Variants in BBOX1 observed in about 807,000 individuals in gnomAD.
BBOX1 encodes the protein gamma-butyrobetaine dioxygenase.
A neutral mutation model predicts 41.6 loss-of-function variants in BBOX1; 35 were observed. The observed-to-expected ratio is 0.84, with a 90% CI of 0.64 to 1.11. The LOEUF (loss-of-function observed/expected upper bound fraction) is 1.11. BBOX1 is among the 50% of genes most tolerant of loss of function. The pLI, the probability that BBOX1 is intolerant of heterozygous loss-of-function variation, is 0.00. For synonymous variants in BBOX1, 163 were observed against 154.7 expected, an observed-to-expected ratio of 1.05 and a Z score of -0.40; for missense variants, 458 against 460.6, an observed-to-expected ratio of 0.99 and a Z score of 0.05.
At chr11:27,111,659 C>A (rs1859068616) in intron 5 of BBOX1, among the ~76,000 whole-genome samples, 1 of 151,626 alleles carries the variant, frequency 6.6e-6, no homozygotes, top group African/African-American at 2.4e-5. Flanking sequence ...GCAAATACCA[C>A]CTTTATCTAG....
Position 27,057,305 on chromosome 11 carries a change from G to GT in BBOX1, c.330dup (p.Pro111SerfsTer18), listed in dbSNP as rs565903182. The GT allele has an allele frequency of 2.6e-4, 418 of 1,608,804 alleles. 1 individual carries two copies. Among genetic ancestry groups the GT allele is most frequent in the Non-Finnish European group, 3.4e-4 (403 of 1,177,904 alleles). ...CCAGAGCAAAGCTCCAAAGAGAATT[G>GT]TTTTTTCCAGGTAACTTTGCCAAAG... On this transcript the variant is annotated frameshift_variant, in exon 4 of 9. Transcript: ENST00000263182. LOFTEE classifies it high-confidence loss of function.
intron 5 of BBOX1, among the ~76,000 whole-genome samples, chr11:27,104,567 C>T (rs921055027): frequency 1.3e-5 from 2 of 152,070 alleles, no homozygotes; most frequent in Non-Finnish European, 2.9e-5. Flanking sequence ...TGGAGATTTT[C>T]GTATTAGTTT....
chr11:27,097,777 G>A (rs935662263), intron 5 of BBOX1, among the ~76,000 whole-genome samples: 1 of 151,950 alleles, frequency 6.6e-6, no homozygotes, highest in South Asian at 2.1e-4. Context: ...GGTCAAGATG[G>A]GGAAATACTC....
At chr11:27,066,956 GT>G (rs1361471006) in intron 4 of BBOX1, among the ~76,000 whole-genome samples, 1 of 152,050 alleles carries the variant, frequency 6.6e-6, no homozygotes, top group Non-Finnish European at 1.5e-5. Context: ...AATTAAGAGG[GT>G]TTTTGGCCCT....
intron 4 of BBOX1, among the ~76,000 whole-genome samples, chr11:27,075,574 C>A (rs2099887): frequency 0.59 from 90,258 of 151,894 alleles, 29,588 homozygotes; most frequent in East Asian, 0.94. Context: ...CCTTGCCAGG[C>A]CAGCAGGAAA....
At chr11:27,064,685 A>T (rs1003451216) in intron 4 of BBOX1, among the ~76,000 whole-genome samples, 1 of 152,136 alleles carries the variant, frequency 6.6e-6, no homozygotes, top group Admixed American at 6.5e-5. Context: ...TCCTCAAATC[A>T]ATCTATCCAA....
At chr11:27,062,691 A>G (rs1455222408) in intron 4 of BBOX1, among the ~76,000 whole-genome samples, 1 of 151,660 alleles carries the variant, frequency 6.6e-6, no homozygotes, top group African/African-American at 2.4e-5. Context: ...CCGAGTAGCT[A>G]CAGGTGCTAC....
chr11:27,087,804 A>C (rs887063715), intron 4 of BBOX1, among the ~76,000 whole-genome samples: 2 of 152,092 alleles, frequency 1.3e-5, no homozygotes, highest in Non-Finnish European at 2.9e-5. Context: ...CTCTGATTTC[A>C]GCAAAACTCC....
At chr11:27,097,825 C>T (rs899573247) in intron 5 of BBOX1, among the ~76,000 whole-genome samples, 1 of 151,964 alleles carries the variant, frequency 6.6e-6, no homozygotes, top group Non-Finnish European at 1.5e-5. Context: ...TGAATCCACT[C>T]CTCAAAATTT....
intron 8 of BBOX1, 37 bp downstream of exon 8, chr11:27,125,857 G>A: frequency 1.9e-6 from 3 of 1,583,044 alleles, no homozygotes; most frequent in Non-Finnish European, 2.6e-6. Context: ...CCAAAAGCAT[G>A]GATTTTCTTC....
At chr11:27,077,058 A>G (rs1385964638) in intron 4 of BBOX1, among the ~76,000 whole-genome samples, 6 of 152,100 alleles carry the variant, frequency 3.9e-5, no homozygotes, top group Non-Finnish European at 7.4e-5. Flanking sequence ...CACCTGTGGC[A>G]GCAGCACATT....
intron 3 of BBOX1, among the ~76,000 whole-genome samples, chr11:27,056,043 G>A (rs1464931319): frequency 1.3e-5 from 2 of 151,996 alleles, no homozygotes; most frequent in African/African-American, 4.8e-5. Context: ...CCGACTTGAG[G>A]ACTTTACTCC....
At chr11:27,095,180 G>C (rs1399953527) in intron 5 of BBOX1, among the ~76,000 whole-genome samples, 1 of 151,886 alleles carries the variant, frequency 6.6e-6, no homozygotes, top group South Asian at 2.1e-4. Context: ...GTGTTAAACA[G>C]GACACTTTGA....
chr11:27,057,497 T>C (rs539218520), intron 4 of BBOX1, 182 bp downstream of exon 4: 79 of 562,802 alleles, frequency 1.4e-4, no homozygotes, highest in African/African-American at 1.4e-3. Flanking sequence ...AAAAGGAGTA[T>C]AGAGTAATTC....
At chr11:27,110,735 T>C (rs1292935232) in intron 5 of BBOX1, among the ~76,000 whole-genome samples, 1 of 151,934 alleles carries the variant, frequency 6.6e-6, no homozygotes, top group Non-Finnish European at 1.5e-5. Context: ...CCTATCTCTA[T>C]TAAATTTAAT....
chr11:27,070,706 ATTT>A (rs58041903), intron 4 of BBOX1, among the ~76,000 whole-genome samples: 16,219 of 133,622 alleles, frequency 0.12, 1,100 homozygotes, highest in East Asian at 0.28. Flanking sequence ...TTTGTGATTG[ATTT>A]TTTTTTTTTT....
At chr11:27,068,534 ATTT>A (rs368559076) in intron 4 of BBOX1, among the ~76,000 whole-genome samples, 67 of 150,600 alleles carry the variant, frequency 4.4e-4, no homozygotes, top group Non-Finnish European at 9.0e-4. Context: ...TACTCTGGTA[ATTT>A]TTTTTTCTTT....
chr11:27,095,812 A>T (rs985611378), intron 5 of BBOX1, among the ~76,000 whole-genome samples: 2 of 151,928 alleles, frequency 1.3e-5, no homozygotes. Context: ...TTTCTCTAAC[A>T]TTGTCCCCTT....
At chr11:27,060,124 G>T (rs2133970734) in intron 4 of BBOX1, among the ~76,000 whole-genome samples, 1 of 152,292 alleles carries the variant, frequency 6.6e-6, no homozygotes, top group African/African-American at 2.4e-5. Flanking sequence ...AATCTCCAAT[G>T]TTGGAGGTGG....
Sources: allele counts gnomAD v4.1 joint callset (sites outside exome capture counted in the v4.1 genomes callset), GRCh38; gene constraint gnomAD v4.1.1; transcripts MANE v1.5; gene names NCBI Gene and HGNC (gene_info 2026-07-23, HGNC 2026-07-21).